VWA8: variants seen among roughly 807,000 people sequenced by gnomAD.
The protein encoded by VWA8 is von Willebrand factor A domain-containing protein 8.
In VWA8, 221 loss-of-function variants were observed where a neutral mutation model predicts 241.5. The observed-to-expected ratio is 0.91, with a 90% CI of 0.82 to 1.02. The LOEUF (loss-of-function observed/expected upper bound fraction) is 1.02, where lower values mean the gene tolerates loss of function less well. Among genes scored for constraint, VWA8 ranks in the 50% least tolerant of loss-of-function variants. VWA8 has a pLI of 0.00. For synonymous variants in VWA8, 852 were observed against 827.1 expected, an observed-to-expected ratio of 1.03 and a Z score of -0.52; for missense variants, 2,322 against 2,328.7, an observed-to-expected ratio of 1.00 and a Z score of 0.06.
intron 26 of VWA8, among the ~76,000 whole-genome samples, chr13:41,708,821 G>T (rs987421411): frequency 1.3e-5 from 2 of 152,154 alleles, no homozygotes; most frequent in African/African-American, 4.8e-5. Context: ...CTGTTGCCCA[G>T]CGTCACTCAG....
chr13:41,743,216 T>G (rs1046250840), intron 21 of VWA8, among the ~76,000 whole-genome samples: 4 of 152,088 alleles, frequency 2.6e-5, no homozygotes, highest in Non-Finnish European at 4.4e-5. Flanking sequence ...GTAATCAACT[T>G]TATTAGTAGA....
chr13:41,866,095 C>T (rs1873287575), intron 10 of VWA8, 59 bp from the exon 11 acceptor site: 1 of 1,587,628 alleles, frequency 6.3e-7, no homozygotes, highest in African/African-American at 1.3e-5. Flanking sequence ...CGCCTATAAT[C>T]CCAACACTTT....
intron 2 of VWA8, among the ~76,000 whole-genome samples, chr13:41,936,518 C>T (rs746321450): frequency 4.6e-5 from 7 of 152,068 alleles, no homozygotes; most frequent in Non-Finnish European, 8.8e-5. Context: ...CTCATTTAAA[C>T]AATGTCTTTA....
chr13:41,934,841 T>A (rs1487891138), intron 2 of VWA8, among the ~76,000 whole-genome samples: 2 of 152,044 alleles, frequency 1.3e-5, no homozygotes, highest in African/African-American at 4.8e-5. Flanking sequence ...GTTTCCTGGT[T>A]ATATACATAT....
intron 2 of VWA8, among the ~76,000 whole-genome samples, chr13:41,915,276 G>A (rs1443649801): frequency 6.6e-6 from 1 of 152,194 alleles, no homozygotes; most frequent in Admixed American, 6.5e-5. Context: ...CATGTACTGA[G>A]AAACACTGCC....
chr13:41,586,367 C>T (rs2044418159), intron 42 of VWA8, among the ~76,000 whole-genome samples: 1 of 152,204 alleles, frequency 6.6e-6, no homozygotes, highest in Non-Finnish European at 1.5e-5. Flanking sequence ...AGGGGAAACA[C>T]ATTTCAGTTC....
At chr13:41,838,519 A>G (rs554213908) in intron 12 of VWA8, among the ~76,000 whole-genome samples, 1 of 152,310 alleles carries the variant, frequency 6.6e-6, no homozygotes, top group Non-Finnish European at 1.5e-5. Context: ...CCAGGTTTAA[A>G]AAATACGCAT....
chr13:41,913,557 C>T (rs1876111616), intron 2 of VWA8, among the ~76,000 whole-genome samples: 1 of 152,202 alleles, frequency 6.6e-6, no homozygotes, highest in African/African-American at 2.4e-5. Flanking sequence ...GCTTCTAGTG[C>T]TTCTCCTCCT....
At chr13:41,613,563 C>T (rs1345515164) in intron 38 of VWA8, among the ~76,000 whole-genome samples, 1 of 152,124 alleles carries the variant, frequency 6.6e-6, no homozygotes, top group Non-Finnish European at 1.5e-5. Flanking sequence ...CCATCAGAAG[C>T]TGGTGTGAGT....
intron 26 of VWA8, among the ~76,000 whole-genome samples, chr13:41,718,687 A>C (rs1399573985): frequency 6.6e-6 from 1 of 151,070 alleles, no homozygotes; most frequent in Admixed American, 6.6e-5. Flanking sequence ...ATGAGTATAC[A>C]CTTTGGAGAT....
chr13:41,735,771 A>T (rs372348311), intron 21 of VWA8, among the ~76,000 whole-genome samples: 62 of 152,276 alleles, frequency 4.1e-4, no homozygotes, highest in African/African-American at 1.3e-3. Context: ...TTGATTTCCA[A>T]GATATACTAT....
chr13:41,761,131 T>G lies in VWA8; in HGVS notation c.2423A>C (p.His808Pro). 1.2e-6 allele frequency: 2 copies of G among 1,611,442 alleles called. No individual in the cohort carries two copies. Among genetic ancestry groups the G allele is most frequent in the Non-Finnish European group, 8.5e-7 (1 of 1,178,260 alleles). ...GTTGTGGGTCTAATAGTCTTACCTG[T>G]GTAGCTGAATATATTCTCGGGGTCT... ...LNRPREYIQL[H>P]RDTTVQTLTL... The change falls in exon 21 of 45, where the codon CAC becomes CCC. Residue 808 changes from histidine to proline, a missense_variant. Physicochemically the swap from His to Pro is moderately conservative, Grantham distance 77. Transcript: ENST00000379310.
At chr13:41,851,106 G>T (rs1593816583) in intron 12 of VWA8, among the ~76,000 whole-genome samples, 1 of 152,192 alleles carries the variant, frequency 6.6e-6, no homozygotes, top group African/African-American at 2.4e-5. Context: ...ATGTACATTA[G>T]ATCTTGAGAA....
chr13:41,777,491 G>C (rs1868660078), intron 20 of VWA8, among the ~76,000 whole-genome samples: 2 of 152,208 alleles, frequency 1.3e-5, no homozygotes, highest in African/African-American at 4.8e-5. Context: ...CTTAGGAATA[G>C]AGGGGTGGGC....
chr13:41,818,205 T>C (rs61963086), intron 15 of VWA8, among the ~76,000 whole-genome samples: 30,180 of 150,282 alleles, frequency 0.2, 3,818 homozygotes, highest in East Asian at 0.38. Flanking sequence ...TCAGGTGATC[T>C]GCCCGCCTTG....
rs1429761127 is a variant in VWA8, at chr13:41,692,896, G to C, written c.3641C>G (p.Ser1214Cys). The C allele has an allele frequency of 6.2e-7, 1 of 1,611,290 alleles. No homozygotes were observed. The highest frequency in any genetic ancestry group is 2.2e-5 in the East Asian group (1 of 44,772). ...TTTGTTCCACCAGAAAGGTTTCTTA[G>C]ATGTAAACTTCTCGGAAGGGAGGAT... ...RLILPSEKFT[S>C]KKPFWWNKEE... Residue 1214 changes from serine (S) to cysteine (C), a missense_variant, in exon 30 of 45, where the codon TCT becomes TGT. By Grantham distance (112) the Ser-to-Cys change is moderately radical. Coordinates refer to ENST00000379310, the MANE Select transcript of VWA8 (RefSeq NM_015058.2).
chr13:41,784,763 C>CAT (rs58910808), intron 18 of VWA8, among the ~76,000 whole-genome samples: 4 of 50,588 alleles, frequency 7.9e-5, no homozygotes, highest in Admixed American at 5.8e-4. Context: ...TATATATATA[C>CAT]ACACACACAC....
At chr13:41,755,539 T>C (rs1467060803) in intron 21 of VWA8, among the ~76,000 whole-genome samples, 1 of 151,980 alleles carries the variant, frequency 6.6e-6, no homozygotes, top group Non-Finnish European at 1.5e-5. Flanking sequence ...ATAGATAACA[T>C]ATCTATACTT....
intron 9 of VWA8, among the ~76,000 whole-genome samples, chr13:41,881,372 C>T (rs78624695): frequency 1.2e-4 from 1 of 8,296 alleles, no homozygotes; most frequent in African/African-American, 7.6e-4. Flanking sequence ...TTTTTTTTGC[C>T]GGGGGGGGGG....
Sources: allele counts gnomAD v4.1 joint callset (sites outside exome capture counted in the v4.1 genomes callset), GRCh38; gene constraint gnomAD v4.1.1; transcripts MANE v1.5; gene names NCBI Gene and HGNC (gene_info 2026-07-23, HGNC 2026-07-21).